TMX2: variants seen among roughly 807,000 people sequenced by gnomAD.
TMX2 encodes the protein thioredoxin-related transmembrane protein 2.
In TMX2, 20 loss-of-function variants were observed where a neutral mutation model predicts 33.4. The ratio of observed to expected loss-of-function variants is 0.60; its 90% CI spans 0.42 to 0.87. TMX2 has a LOEUF of 0.87. Ranked by LOEUF, TMX2 falls within the 40% of genes least tolerant of loss-of-function variation. The pLI, the probability that TMX2 is intolerant of heterozygous loss-of-function variation, is 0.00. For missense variants in TMX2, 340 were observed against 370.7 expected (o/e 0.92, Z 0.68); for synonymous variants, 166 against 140.7 (o/e 1.18, Z -1.27).
intron 1 of TMX2, among the ~76,000 whole-genome samples, chr11:57,714,453 G>T (rs1946844878): frequency 6.6e-6 from 1 of 152,148 alleles, no homozygotes; most frequent in Non-Finnish European, 1.5e-5. Context: ...CAATTGGGAA[G>T]ATTAATAGCA....
rs1270186764 is a variant in TMX2 at position 57,740,963 on chromosome 11, T to C, written c.*718T>C. ...GCTTTCCGTAATAAAAAGATTGGGA[T>C]TTCCTTTTGATTGCGCGTTTGTGTG... On this transcript the variant is annotated 3_prime_UTR_variant, in exon 8 of 8. Transcript: ENST00000278422. 2 of 152,258 alleles carry C rather than the reference T, an allele frequency of 1.3e-5. No individual in the cohort carries two copies. The highest frequency in any genetic ancestry group is 6.3e-3 in the Middle Eastern group (2 of 316). The allele number at this position is 152,258 out of a possible 1,614,324, so 9.4% of individuals were successfully genotyped here. A position where few individuals can be genotyped will look rare whatever the true frequency, so the allele number is the denominator to read the frequency against.
At chr11:57,737,437 A>G (rs1590973968) in intron 1 of TMX2, among the ~76,000 whole-genome samples, 171 bp from the exon 2 acceptor site, 1 of 152,346 alleles carries the variant, frequency 6.6e-6, no homozygotes, top group South Asian at 2.1e-4. Flanking sequence ...ACCTGAATCC[A>G]GGTCTTCTGA....
intron 1 of TMX2, among the ~76,000 whole-genome samples, chr11:57,715,559 CTTTTATAACCTCTTAGAATTTG>C (rs1358284156): frequency 6.7e-6 from 1 of 148,188 alleles, no homozygotes; most frequent in East Asian, 2.0e-4. Flanking sequence ...TTCCATAAAC[CTTTTATAACCTCTTAGAATTTG>C]TTTTCTTTTT....
chr11:57,732,770 T>C (rs530777230), intron 1 of TMX2, among the ~76,000 whole-genome samples: 3 of 152,248 alleles, frequency 2.0e-5, no homozygotes, highest in South Asian at 4.1e-4. Context: ...CTTCATTACA[T>C]AGGTGTGACT....
At chr11:57,721,829 TGTA>T (rs1947652081) in intron 1 of TMX2, among the ~76,000 whole-genome samples, 1 of 152,162 alleles carries the variant, frequency 6.6e-6, no homozygotes, top group African/African-American at 2.4e-5. Flanking sequence ...GTGTGTTTCC[TGTA>T]GTATCCCACC....
chr11:57,719,514 C>CTTTTTTTTTTT (rs1183104624), intron 1 of TMX2, among the ~76,000 whole-genome samples: 5 of 70,532 alleles, frequency 7.1e-5, no homozygotes, highest in African/African-American at 1.1e-4. Flanking sequence ...TTTTCTTTGT[C>CTTTTTTTTTTT]TTTTTTTTTT....
chr11:57,719,065 T>A (rs1205200945), intron 1 of TMX2, among the ~76,000 whole-genome samples: 1 of 131,526 alleles, frequency 7.6e-6, no homozygotes, highest in Non-Finnish European at 1.6e-5. Context: ...TGAGACAGAG[T>A]CTCACTGTCA....
chr11:57,720,228 C>T (rs887505111), intron 1 of TMX2, among the ~76,000 whole-genome samples: 1 of 151,354 alleles, frequency 6.6e-6, no homozygotes, highest in Non-Finnish European at 1.5e-5. Context: ...GGGTTCATGT[C>T]AGGTTTAAAA....
chr11:57,714,535 C>G (rs75181625), intron 1 of TMX2, among the ~76,000 whole-genome samples: 1 of 151,456 alleles, frequency 6.6e-6, no homozygotes, highest in Non-Finnish European at 1.5e-5. Context: ...ATTTTTTTTT[C>G]AAAGTCACGT....
chr11:57,730,055 G>A (rs1948260989), intron 1 of TMX2, among the ~76,000 whole-genome samples: 1 of 151,186 alleles, frequency 6.6e-6, no homozygotes, highest in African/African-American at 2.4e-5. Flanking sequence ...GGTGAGCCAG[G>A]ATCACACCAC....
Position 57,738,262 on chromosome 11 carries a change from A to C in TMX2, c.365-92A>C. The stretch of plus-strand genomic sequence containing the variant: ...CTACATATATCCACAAGTGTGTATT[A>C]TTTGGGGGCTGAAATCCTTGGGTTG... On this transcript the variant is annotated intron_variant, in intron 3 of 7. Transcript: ENST00000278422. 3 of 949,360 alleles carry C rather than the reference A, an allele frequency of 3.2e-6. No homozygotes were observed. The South Asian group carries it at 4.3e-5, about 14-fold the overall frequency. 58.8% of individuals were successfully genotyped at this position (949,360 alleles called of 1,614,324 possible).
chr11:57,737,585 A>T, intron 1 of TMX2, 23 bp from the exon 2 acceptor site: 1 of 1,609,910 alleles, frequency 6.2e-7, no homozygotes, highest in Non-Finnish European at 8.5e-7. Flanking sequence ...CATTCCTGTT[A>T]TAATACTTCG....
intron 1 of TMX2, among the ~76,000 whole-genome samples, chr11:57,716,307 C>T (rs1947020372): frequency 7.2e-6 from 1 of 138,654 alleles, no homozygotes; most frequent in Admixed American, 7.0e-5. Flanking sequence ...GACCCCCCCA[C>T]CTCCCTCCCG....
intron 1 of TMX2, among the ~76,000 whole-genome samples, chr11:57,716,684 C>A (rs1314920134): frequency 6.9e-6 from 1 of 145,468 alleles, no homozygotes; most frequent in South Asian, 2.2e-4. Flanking sequence ...CACCTCCCTC[C>A]CGGACGGGGC....
Position 57,738,610 on chromosome 11 carries a change from C to G in TMX2, c.442-54C>G, listed in dbSNP as rs1432718047. 2.7e-6 allele frequency: 4 copies of G among 1,502,928 alleles called. No homozygotes were observed. The African/African-American group carries it at 5.5e-5, about 21-fold the overall frequency. 93.1% of individuals were successfully genotyped at this position (1,502,928 alleles called of 1,614,324 possible). On this transcript the variant is annotated intron_variant, in intron 4 of 7. Coordinates refer to ENST00000278422, the MANE Select transcript of TMX2 (RefSeq NM_015959.4). ...GAGGAATTAGATGCTAAAGTCTGAACCTTCCCAGGAGGCTATGTGGATCCA... is the reference window on the plus strand; with the variant it reads ...GAGGAATTAGATGCTAAAGTCTGAAGCTTCCCAGGAGGCTATGTGGATCCA...
At chr11:57,716,763 C>T (rs1947112828) in intron 1 of TMX2, among the ~76,000 whole-genome samples, 1 of 148,092 alleles carries the variant, frequency 6.8e-6, no homozygotes, top group African/African-American at 2.5e-5. Flanking sequence ...GGCAGAGGGG[C>T]TCCTCACTTC....
chr11:57,712,649 G>C lies in TMX2; in HGVS notation c.31G>C (p.Val11Leu), dbSNP rs1409694249. The change falls in exon 1 of 8, where the codon GTG becomes CTG. Residue 11 changes from valine (V) to leucine (L), a missense_variant. Physicochemically the swap from Val to Leu is conservative, Grantham distance 32. Transcript: ENST00000278422. ...GGTCTTGGCACCTCTAATTGCTCTC[G>C]TGTATTCGGTGCCGCGACTTTCACG... Reference protein sequence around the residue: MAVLAPLIALVYSVPRLSRWL... With the variant: MAVLAPLIALLYSVPRLSRWL... 1.2e-6 allele frequency: 2 copies of C among 1,614,088 alleles called. No individual in the cohort carries two copies. Among genetic ancestry groups the C allele is most frequent in the Admixed American group, 1.7e-5 (1 of 59,980 alleles).
chr11:57,737,651 TGAA>T lies in TMX2; in HGVS notation c.237_239del (p.Lys79del). 6.2e-7 allele frequency: 1 copy of T among 1,614,180 alleles called. No individual in the cohort carries two copies. The highest frequency in any genetic ancestry group is 1.1e-5 in the South Asian group (1 of 91,086). The stretch of plus-strand genomic sequence containing the variant: ...ATGTTTCTCAGTGCCATTGTGATGA[TGAA>T]GAACCGCAGATCCAGTAAGTTTAGT... On this transcript the variant is annotated inframe_deletion, in exon 2 of 8. Transcript: ENST00000278422.
chr11:57,731,125 G>GTTTTTTTTTTTTTTTT (rs757832822), intron 1 of TMX2, among the ~76,000 whole-genome samples: 1 of 85,854 alleles, frequency 1.2e-5, no homozygotes, highest in Non-Finnish European at 2.2e-5. Flanking sequence ...TTTGTTTTTT[G>GTTTTTTTTTTTTTTTT]TTTTTTTTTT....
Sources: allele counts gnomAD v4.1 joint callset (sites outside exome capture counted in the v4.1 genomes callset), GRCh38; gene constraint gnomAD v4.1.1; transcripts MANE v1.5; gene names NCBI Gene and HGNC (gene_info 2026-07-23, HGNC 2026-07-21).